FMN2: variants seen among roughly 807,000 people sequenced by gnomAD.
FMN2 encodes formin 2.
A neutral mutation model predicts 142.3 loss-of-function variants in FMN2; 51 were observed. The ratio of observed to expected loss-of-function variants is 0.36; its 90% CI spans 0.29 to 0.45. The LOEUF is 0.45. Among genes scored for constraint, FMN2 ranks in the 20% least tolerant of loss-of-function variants. The pLI, the probability that FMN2 is intolerant of heterozygous loss-of-function variation, is 1.00. For synonymous variants in FMN2, 882 were observed against 869.8 expected (o/e 1.01, Z -0.25); for missense variants, 1,936 against 2,122.8 (o/e 0.91, Z 1.73).
intron 8 of FMN2, among the ~76,000 whole-genome samples, chr1:240,297,728 G>C (rs1048633862): frequency 6.6e-6 from 1 of 151,914 alleles, no homozygotes; most frequent in Admixed American, 6.6e-5. Flanking sequence ...CTTACTTCAT[G>C]AAAGTAGAAA....
At chr1:240,325,735 C>G (rs1373012013) in intron 8 of FMN2, among the ~76,000 whole-genome samples, 1 of 152,088 alleles carries the variant, frequency 6.6e-6, no homozygotes, top group African/African-American at 2.4e-5. Flanking sequence ...CCATTTAGTA[C>G]CATGTTTTTT....
chr1:240,103,206 A>G (rs1389292366), intron 1 of FMN2, among the ~76,000 whole-genome samples: 1 of 152,194 alleles, frequency 6.6e-6, no homozygotes, highest in Admixed American at 6.5e-5. Flanking sequence ...AAGGAGACTC[A>G]TTTGACTCTA....
chr1:240,300,358 CAT>C (rs1670154835), intron 8 of FMN2, among the ~76,000 whole-genome samples: 1 of 152,212 alleles, frequency 6.6e-6, no homozygotes, highest in Admixed American at 6.5e-5. Flanking sequence ...GTTTAGGCAA[CAT>C]GTGATGCCAG....
chr1:240,211,290 C>T (rs931215140), intron 6 of FMN2, 55 bp downstream of exon 6: 1 of 1,547,632 alleles, frequency 6.5e-7, no homozygotes, highest in Non-Finnish European at 8.8e-7. Context: ...TAAGTGTGAA[C>T]TGTCATTAGA....
rs533022598 is a variant in FMN2 at position 240,119,900 on chromosome 1, C to T, written c.1616-3279C>T. Reference sequence around the variant, plus strand: ...AGTCTTAGGGCTATTTTCAGTAATTCGGTAACATGAATACAACAATCTACT... The same window carrying T: ...AGTCTTAGGGCTATTTTCAGTAATTTGGTAACATGAATACAACAATCTACT... On this transcript the variant is annotated intron_variant, in intron 1 of 17. Coordinates refer to ENST00000319653, the MANE Select transcript of FMN2 (RefSeq NM_020066.5). Among the ~76,000 whole-genome samples the T allele has an allele frequency of 2.3e-4, 35 of 152,200 alleles. No homozygotes were observed. In the South Asian group the frequency reaches 6.0e-3, roughly 26 times the overall value.
chr1:240,217,095 C>T (rs1666933685), intron 6 of FMN2, among the ~76,000 whole-genome samples: 1 of 152,166 alleles, frequency 6.6e-6, no homozygotes, highest in Non-Finnish European at 1.5e-5. Context: ...CTGCTTCTTA[C>T]TATGTTGAGG....
At chr1:240,397,780 C>A (rs1171517089) in intron 15 of FMN2, among the ~76,000 whole-genome samples, 1 of 91,788 alleles carries the variant, frequency 1.1e-5, no homozygotes, top group Non-Finnish European at 2.1e-5. Context: ...ACATAGACTC[C>A]TTCTCAAAAA....
intron 15 of FMN2, among the ~76,000 whole-genome samples, chr1:240,411,590 A>G (rs1352589882): frequency 6.6e-6 from 1 of 150,748 alleles, no homozygotes; most frequent in Admixed American, 6.6e-5. Context: ...AAAAAAGTCT[A>G]ACTACATTCT....
chr1:240,352,164 T>A (rs148414880), intron 13 of FMN2, among the ~76,000 whole-genome samples: 2 of 152,312 alleles, frequency 1.3e-5, no homozygotes, highest in African/African-American at 4.8e-5. Context: ...AAGTCACTAC[T>A]TGAAGACTGT....
At chr1:240,217,482 G>A (rs1666948842) in intron 6 of FMN2, among the ~76,000 whole-genome samples, 1 of 152,048 alleles carries the variant, frequency 6.6e-6, no homozygotes, top group South Asian at 2.1e-4. Flanking sequence ...ATTTGTTTTG[G>A]GGATACATAA....
Position 240,092,475 on chromosome 1 carries a change from C to G in FMN2, c.366C>G (p.Ser122Arg). The change falls in exon 1 of 18, where the codon AGC (serine) becomes AGG (arginine). Residue 122 changes from serine (S) to arginine (R), a missense_variant. Transcript: ENST00000319653. ...HSLLTKTPDL[S>R]LSADEAGLSD... ...TGCTCACCAAGACTCCAGACCTCAG[C>G]CTCTCGGCGGACGAGGCCGGCCTGT... 6.2e-7 allele frequency: 1 copy of G among 1,608,832 alleles called. No individual in the cohort carries two copies. Among genetic ancestry groups the G allele is most frequent in the Non-Finnish European group, 8.5e-7 (1 of 1,177,670 alleles).
At chr1:240,096,614 C>T (rs903515549) in intron 1 of FMN2, among the ~76,000 whole-genome samples, 3 of 152,156 alleles carry the variant, frequency 2.0e-5, no homozygotes, top group Non-Finnish European at 4.4e-5. Context: ...CTTAATTTTG[C>T]ATGTATTTGG....
chr1:240,155,383 A>G (rs1663980709), intron 2 of FMN2, among the ~76,000 whole-genome samples: 1 of 152,114 alleles, frequency 6.6e-6, no homozygotes, highest in Admixed American at 6.6e-5. Context: ...GCCTCGAGTG[A>G]TTCTCCCACT....
rs200247554 is a variant in FMN2 at position 240,473,905 on chromosome 1, CT to C, written c.5143-213del. On this transcript the variant is annotated intron_variant, in intron 17 of 17. Transcript: ENST00000319653. The surrounding 1 kb of genome is among the most constrained non-coding windows in gnomAD (Gnocchi z 4.3). ...TTGGTTAGAAGTTAAATTTTTAAAA[CT>C]TTTTTTTTTCTCAAAAGTATTTGGC... 5.1e-4 allele frequency among the ~76,000 whole-genome samples: 76 copies of C among 150,036 alleles called. No homozygotes were observed. Among genetic ancestry groups the C allele is most frequent in the African/African-American group, 1.3e-3 (53 of 40,936 alleles).
chr1:240,318,183 T>C (rs1670854094), intron 8 of FMN2, among the ~76,000 whole-genome samples: 3 of 152,182 alleles, frequency 2.0e-5, no homozygotes, highest in Non-Finnish European at 4.4e-5. Context: ...ACCAGGTTGA[T>C]GGGAAGTTGG....
chr1:240,139,241 C>G (rs1055288778), intron 2 of FMN2, among the ~76,000 whole-genome samples: 2 of 152,242 alleles, frequency 1.3e-5, no homozygotes, highest in East Asian at 3.9e-4. Context: ...GGTCTGAGCA[C>G]TAGGGTAGAT....
In FMN2 at chr1:240,187,004, T is replaced by C. The variant is rs1193463334; in HGVS notation, c.1931-1203T>C. On this transcript the variant is annotated intron_variant, in intron 3 of 17. Coordinates refer to ENST00000319653, the MANE Select transcript of FMN2 (RefSeq NM_020066.5). ...ACTGCTGGCCGAGCACGGTGGCTCA[T>C]GCCTGTCATCCCAGCACTTTGGGAG... Among the ~76,000 whole-genome samples, 4 of 151,644 alleles carry C rather than the reference T, an allele frequency of 2.6e-5. No individual in the cohort carries two copies. The South Asian group carries it at 6.3e-4, about 24-fold the overall frequency.
chr1:240,459,575 G>C (rs1305513725), intron 16 of FMN2: 2 of 151,980 alleles, frequency 1.3e-5, no homozygotes, highest in Non-Finnish European at 2.9e-5. Flanking sequence ...ATATTAGCTG[G>C]GTGTGGTGGC....
At chr1:240,181,788 C>A (rs1397564085) in intron 3 of FMN2, among the ~76,000 whole-genome samples, 1 of 152,000 alleles carries the variant, frequency 6.6e-6, no homozygotes, top group East Asian at 1.9e-4. Context: ...TACAAAGAAA[C>A]CCTTTCTATT....
Sources: allele counts gnomAD v4.1 joint callset (sites outside exome capture counted in the v4.1 genomes callset), GRCh38; gene constraint gnomAD v4.1.1; non-coding constraint Gnocchi (gnomAD v3.1); transcripts MANE v1.5; gene names NCBI Gene and HGNC (gene_info 2026-07-23, HGNC 2026-07-21).